Variants in IL1RAPL2 observed in about 807,000 individuals in gnomAD.
The protein encoded by IL1RAPL2 is X-linked interleukin-1 receptor accessory protein-like 2.
Under a neutral mutation model 44.1 loss-of-function variants are expected in IL1RAPL2, and 3 were observed. That is an observed-to-expected ratio of 0.07 (90% CI 0.03 to 0.18). The LOEUF is 0.18. Ranked by LOEUF, IL1RAPL2 falls within the 10% of genes least tolerant of loss-of-function variation. The probability of loss-of-function intolerance (pLI) is 1.00; values close to 1 mark genes in which losing one functional copy is unlikely to be tolerated. For synonymous variants in IL1RAPL2, 181 were observed against 178.8 expected (o/e 1.01, Z -0.10); for missense variants, 391 against 496.4 (o/e 0.79, Z 2.02).
At chrX:104,955,968 A>G (rs188505993) in intron 2 of IL1RAPL2, among the ~76,000 whole-genome samples, 4 of 112,365 alleles carry the variant, frequency 3.6e-5, no homozygotes, top group African/African-American at 6.5e-5. Flanking sequence ...AAATGATCCA[A>G]TGTTGCTTTC....
At chrX:105,617,870 G>A (rs1027699004) in intron 6 of IL1RAPL2, among the ~76,000 whole-genome samples, 1 of 111,542 alleles carries the variant, frequency 9.0e-6, no homozygotes, top group African/African-American at 3.3e-5. Flanking sequence ...TTATCTGACA[G>A]GGATTAGATG....
chrX:105,384,364 C>T (rs1365281597), intron 5 of IL1RAPL2, among the ~76,000 whole-genome samples: 3 of 111,411 alleles, frequency 2.7e-5, no homozygotes, highest in African/African-American at 6.5e-5. Flanking sequence ...TTTGAGTAGA[C>T]GATCCTTTCC....
intron 6 of IL1RAPL2, among the ~76,000 whole-genome samples, chrX:105,590,152 G>C (rs1195006435): frequency 9.0e-6 from 1 of 111,528 alleles, no homozygotes; most frequent in African/African-American, 3.3e-5. Context: ...GAATGGGATT[G>C]TGTTTTGATT....
chrX:105,368,274 A>C (rs2035311094), intron 5 of IL1RAPL2, among the ~76,000 whole-genome samples: 1 of 111,250 alleles, frequency 9.0e-6, no homozygotes, highest in South Asian at 3.8e-4. Context: ...ATCTCTTTGC[A>C]TGTGTCTATT....
At chrX:105,203,486 A>T (rs1556148405) in intron 3 of IL1RAPL2, among the ~76,000 whole-genome samples, 3 of 105,241 alleles carry the variant, frequency 2.9e-5, no homozygotes, top group African/African-American at 7.0e-5. Flanking sequence ...ATATGCAGTT[A>T]TTTGTGTATC....
intron 6 of IL1RAPL2, among the ~76,000 whole-genome samples, chrX:105,485,718 C>T (rs931842584): frequency 8.9e-6 from 1 of 111,857 alleles, no homozygotes; most frequent in Admixed American, 9.5e-5. Context: ...ATTCGTCTTT[C>T]TGTGCATGGT....
intron 5 of IL1RAPL2, among the ~76,000 whole-genome samples, chrX:105,466,813 C>T (rs2036133552): frequency 9.0e-6 from 1 of 111,415 alleles, no homozygotes; most frequent in South Asian, 3.8e-4. Context: ...TTATTTCTTA[C>T]ATTTCTGGAG....
chrX:105,535,171 G>A (rs1482783989), intron 6 of IL1RAPL2, among the ~76,000 whole-genome samples: 4 of 111,591 alleles, frequency 3.6e-5, no homozygotes, highest in African/African-American at 9.7e-5. Context: ...ATAAGAAAAC[G>A]ACATAAAGAA....
At chrX:104,919,523 C>CT (rs10666066) in intron 2 of IL1RAPL2, among the ~76,000 whole-genome samples, 9,441 of 84,534 alleles carry the variant, frequency 0.11, 1,425 homozygotes, top group African/African-American at 0.37. Context: ...CCACGCCTGG[C>CT]TTTTTTTTTT....
rs1194148816 is a variant in IL1RAPL2 at position 104,901,199 on chromosome X, C to CTTTTTTTTTTTTTTTT, written c.82+242218_82+242233dup. On this transcript the variant is annotated intron_variant, in intron 2 of 10. Transcript: ENST00000372582. ...AGGAGTTGGTTGCTTTCTTTTGCTT[C>CTTTTTTTTTTTTTTTT]TTTTTTTTTTTTTTTTTTTTTTTTT... 6.2e-5 allele frequency among the ~76,000 whole-genome samples: 2 copies of CTTTTTTTTTTTTTTTT among 32,115 alleles called. 1 individual carries two copies. The highest frequency in any genetic ancestry group is 2.7e-4 in the African/African-American group (2 of 7,447). 27.9% of individuals were successfully genotyped at this position (32,115 alleles called of 115,157 possible). A position where few individuals can be genotyped will look rare whatever the true frequency, so the allele number is the denominator to read the frequency against.
chrX:105,551,627 G>T (rs2036856611), intron 6 of IL1RAPL2, among the ~76,000 whole-genome samples: 1 of 111,554 alleles, frequency 9.0e-6, no homozygotes, highest in African/African-American at 3.3e-5. Flanking sequence ...AAATAAGCAA[G>T]AATTTAGTCC....
chrX:105,381,653 G>A (rs944011202), intron 5 of IL1RAPL2, among the ~76,000 whole-genome samples: 84 of 111,659 alleles, frequency 7.5e-4, no homozygotes, highest in African/African-American at 2.6e-3. Flanking sequence ...TATTTATGGG[G>A]TATAAGTGAT....
At chrX:104,893,044 C>T (rs766607833) in intron 2 of IL1RAPL2, among the ~76,000 whole-genome samples, 22 of 111,873 alleles carry the variant, frequency 2.0e-4, no homozygotes, top group East Asian at 1.1e-3. Context: ...CATTTCGTTA[C>T]GTACCCAGTA....
intron 2 of IL1RAPL2, among the ~76,000 whole-genome samples, chrX:104,812,336 G>A (rs1463863501): frequency 2.7e-5 from 3 of 110,816 alleles, no homozygotes; most frequent in African/African-American, 9.9e-5. Flanking sequence ...ACCATCTCAT[G>A]ATTATGCTTG....
chrX:104,680,268 A>G (rs1015262010), intron 2 of IL1RAPL2, among the ~76,000 whole-genome samples: 9 of 111,860 alleles, frequency 8.0e-5, no homozygotes, highest in East Asian at 2.8e-4. Flanking sequence ...CCTGGAATCA[A>G]TCTAATCCAG....
intron 3 of IL1RAPL2, among the ~76,000 whole-genome samples, chrX:105,225,202 T>C (rs1246225689): frequency 1.8e-5 from 2 of 112,181 alleles, no homozygotes; most frequent in Non-Finnish European, 3.8e-5. Context: ...TACATATATA[T>C]GTACTGTATA....
At chrX:105,289,411 G>T (rs1318120460) in intron 5 of IL1RAPL2, among the ~76,000 whole-genome samples, 3 of 111,599 alleles carry the variant, frequency 2.7e-5, no homozygotes, top group African/African-American at 9.8e-5. Context: ...ATAGACTGAA[G>T]GGGGCAAGGA....
intron 5 of IL1RAPL2, among the ~76,000 whole-genome samples, chrX:105,428,910 C>A (rs917386078): frequency 9.0e-6 from 1 of 111,207 alleles, no homozygotes; most frequent in Admixed American, 9.6e-5. Context: ...TCCCCTAAAT[C>A]TGAAAAACCT....
chrX:105,408,044 T>G (rs758738472), intron 5 of IL1RAPL2, among the ~76,000 whole-genome samples: 7 of 111,319 alleles, frequency 6.3e-5, no homozygotes, highest in Non-Finnish European at 1.3e-4. Flanking sequence ...CTTATATGAG[T>G]GAATATGGTA....
Sources: allele counts gnomAD v4.1 joint callset (sites outside exome capture counted in the v4.1 genomes callset), GRCh38; gene constraint gnomAD v4.1.1; transcripts MANE v1.5; gene names NCBI Gene and HGNC (gene_info 2026-07-23, HGNC 2026-07-21).